Variants in ASH1L observed in about 807,000 individuals in gnomAD.
The protein encoded by ASH1L is histone-lysine N-methyltransferase ASH1L.
A neutral mutation model predicts 269.0 loss-of-function variants in ASH1L; 23 were observed. The ratio of observed to expected loss-of-function variants is 0.09; its 90% CI spans 0.06 to 0.12. The LOEUF (loss-of-function observed/expected upper bound fraction) is 0.12. Among genes scored for constraint, ASH1L ranks in the 10% least tolerant of loss-of-function variants. ASH1L has a pLI of 1.00. For missense variants in ASH1L, 2,912 were observed against 3,567.8 expected (o/e 0.82, Z 4.68); for synonymous variants, 1,187 against 1,253.5 (o/e 0.95, Z 1.12).
chr1:155,378,423 T>C (rs758061247), intron 9 of ASH1L, 34 bp from the exon 10 acceptor site: 17 of 1,609,938 alleles, frequency 1.1e-5, no homozygotes, highest in Middle Eastern at 1.6e-4. Flanking sequence ...TTTGTGAACA[T>C]ACAGGATAAT....
intron 2 of ASH1L, among the ~76,000 whole-genome samples, chr1:155,508,617 A>G (rs1667970223): frequency 6.6e-6 from 1 of 152,210 alleles, no homozygotes; most frequent in Middle Eastern, 3.2e-3. Flanking sequence ...TCCAGCCTGT[A>G]TGACACAGTG....
At chr1:155,523,557 T>C (rs1157881352) in intron 1 of ASH1L, among the ~76,000 whole-genome samples, 1 of 152,200 alleles carries the variant, frequency 6.6e-6, no homozygotes, top group African/African-American at 2.4e-5. Context: ...GCCCAATGAC[T>C]GGCACATAGC....
At chr1:155,563,177 C>G (rs1184334353), upstream of ASH1L, 5 of 456,900 alleles carry the variant, frequency 1.1e-5, no homozygotes, top group Admixed American at 4.7e-5. Flanking sequence ...CCCCTCTGCC[C>G]ACCGGTGGTT....
Position 155,479,695 on chromosome 1 carries a change from A to G in ASH1L, c.3175T>C (p.Leu1059=). The change falls in exon 3 of 28, where the codon TTA becomes CTA. Residue 1059 remains leucine, a synonymous_variant. Transcript: ENST00000392403. ...GGACTACCAGAAAGAATACCATTTA[A>G]GACAGTTTTTGGTTTGCGACCTCTT... is the stretch of plus-strand genomic sequence containing the variant. ...KRRGRKPKTV[L]NGILSGSPTS... is the part of the protein sequence containing the mutation. The G allele has an allele frequency of 6.2e-7, 1 of 1,614,186 alleles. No individual in the cohort carries two copies. Among genetic ancestry groups the G allele is most frequent in the Non-Finnish European group, 8.5e-7 (1 of 1,180,020 alleles).
At chr1:155,393,434 T>C (rs765597571) in intron 7 of ASH1L, among the ~76,000 whole-genome samples, 1 of 152,214 alleles carries the variant, frequency 6.6e-6, no homozygotes, top group African/African-American at 2.4e-5. Context: ...AAGTATACAA[T>C]TAAGGTGTTC....
At chr1:155,490,745 C>T (rs1666718672) in intron 2 of ASH1L, among the ~76,000 whole-genome samples, 1 of 151,744 alleles carries the variant, frequency 6.6e-6, no homozygotes, top group African/African-American at 2.4e-5. Context: ...TTACTTGAAC[C>T]TAAGAGTTTG....
chr1:155,504,198 G>A (rs1021245705), intron 2 of ASH1L, among the ~76,000 whole-genome samples: 1 of 152,114 alleles, frequency 6.6e-6, no homozygotes. Context: ...TTCTTGGAAG[G>A]TAATTCTTAA....
At chr1:155,475,491 G>C (rs924831713) in intron 3 of ASH1L, among the ~76,000 whole-genome samples, 1 of 152,096 alleles carries the variant, frequency 6.6e-6, no homozygotes, top group Non-Finnish European at 1.5e-5. Flanking sequence ...GCCATAACTA[G>C]TAACTATCTA....
At chr1:155,413,594 T>G (rs1387466046) in intron 6 of ASH1L, among the ~76,000 whole-genome samples, 1 of 151,626 alleles carries the variant, frequency 6.6e-6, no homozygotes, top group Non-Finnish European at 1.5e-5. Flanking sequence ...GCAACAAGAG[T>G]GAAACTCCAT....
intron 5 of ASH1L, among the ~76,000 whole-genome samples, chr1:155,427,841 G>A (rs1380216828): frequency 6.6e-6 from 1 of 152,140 alleles, no homozygotes; most frequent in Non-Finnish European, 1.5e-5. Flanking sequence ...CCATGGGGGT[G>A]GTTTTCTCTT....
At position 155,360,428 on chromosome 1, in the gene ASH1L, G is replaced by A. The variant is rs765029260; in HGVS notation, c.6687-19C>T. The A allele has an allele frequency of 1.4e-5, 21 of 1,503,002 alleles. No homozygotes were observed. Among genetic ancestry groups the A allele is most frequent in the South Asian group, 7.0e-5 (6 of 85,286 alleles). 93.1% of individuals were successfully genotyped at this position (1,503,002 alleles called of 1,614,324 possible). A position where few individuals can be genotyped will look rare whatever the true frequency, so the allele number is the denominator to read the frequency against. On this transcript the variant is annotated intron_variant, in intron 12 of 27. Coordinates refer to ENST00000392403, the MANE Select transcript of ASH1L (RefSeq NM_018489.3). ...AACAGACCTGTAAAGAGAGAAAACA[G>A]AGTTATAAAGGCTGGAAATTTTTTT...
chr1:155,417,616 A>G (rs1341873098), intron 5 of ASH1L, among the ~76,000 whole-genome samples: 1 of 152,186 alleles, frequency 6.6e-6, no homozygotes, highest in Non-Finnish European at 1.5e-5. Context: ...GCAAGCCCAG[A>G]GGGTAATGTT....
rs535279496 is a variant in ASH1L, at chr1:155,410,860, C to T, written c.6008+4884G>A. ...GGCTCAAGCAATCCTCCAGCTCCAG[C>T]GGCCTAAAGTGCTGGGATTACAGGC... On this transcript the variant is annotated intron_variant, in intron 6 of 27. Coordinates refer to ENST00000392403, the MANE Select transcript of ASH1L (RefSeq NM_018489.3). Among the ~76,000 whole-genome samples, 99 of 151,660 alleles carry T rather than the reference C, an allele frequency of 6.5e-4. 1 individual carries two copies. The highest frequency in any genetic ancestry group is 3.2e-3 in the Admixed American group (49 of 15,210).
At chr1:155,418,839 G>A (rs2148552679) in intron 5 of ASH1L, among the ~76,000 whole-genome samples, 1 of 152,240 alleles carries the variant, frequency 6.6e-6, no homozygotes, top group East Asian at 1.9e-4. Context: ...GGAGGCCGAG[G>A]TGGGTGGATC....
At chr1:155,397,108 C>T (rs1423016226) in intron 6 of ASH1L, 1 of 139,230 alleles carries the variant, frequency 7.2e-6, no homozygotes, top group Non-Finnish European at 1.5e-5. Flanking sequence ...GCCTGAGTGA[C>T]AGAGCCAGAC....
In ASH1L at chr1:155,441,454, CTTTTTTTTTTTTTT is replaced by C. The variant is rs34682576; in HGVS notation, c.5087-2400_5087-2387del. Among the ~76,000 whole-genome samples, 16 of 73,626 alleles carry C rather than the reference CTTTTTTTTTTTTTT, an allele frequency of 2.2e-4. No homozygotes were observed. In the Admixed American group the frequency reaches 3.8e-3, roughly 17 times the overall value. 48.3% of individuals were successfully genotyped at this position (73,626 alleles called of 152,430 possible). ...CCACCAGATATTTGAATAAAGAATC[CTTTTTTTTTTTTTT>C]TTTTTTTTTTTTGAGACGGAGTCTT... On this transcript the variant is annotated intron_variant, in intron 4 of 27. Transcript: ENST00000392403.
chr1:155,495,445 G>C (rs1184302276), intron 2 of ASH1L, among the ~76,000 whole-genome samples: 5 of 151,994 alleles, frequency 3.3e-5, no homozygotes, highest in African/African-American at 9.7e-5. Context: ...AAAAAAATAG[G>C]ATTTTTGTAT....
intron 16 of ASH1L, among the ~76,000 whole-genome samples, chr1:155,353,371 G>A (rs1048999768): frequency 6.6e-6 from 1 of 152,122 alleles, no homozygotes; most frequent in African/African-American, 2.4e-5. Flanking sequence ...TAACTTCAAA[G>A]AATTTATGCC....
intron 27 of ASH1L, 82 bp from the exon 28 acceptor site, chr1:155,337,833 G>C: frequency 7.6e-7 from 1 of 1,309,642 alleles, no homozygotes; most frequent in Non-Finnish European, 1.1e-6. Context: ...GAGAGCACAC[G>C]AACTCAATGA....
Sources: gnomAD v4.1 joint callset for allele counts (sites outside exome capture counted in the v4.1 genomes callset) on GRCh38, gnomAD v4.1.1 for gene constraint, MANE v1.5 for transcripts, NCBI Gene and HGNC (gene_info 2026-07-23, HGNC 2026-07-21) for gene names.